The following CPM variants were observed in gnomAD, a reference collection of about 807,000 sequenced individuals.
CPM encodes renal carboxypeptidase.
CPM carries 35 observed loss-of-function variants against 46.4 expected under a neutral mutation model. That is an observed-to-expected ratio of 0.75 (90% CI 0.58 to 1.00). The LOEUF is 1.00. CPM is among the 50% of genes least tolerant of loss of function. The probability of loss-of-function intolerance (pLI) is 0.00; values close to 1 mark genes in which losing one functional copy is unlikely to be tolerated. For synonymous variants in CPM, 195 were observed against 195.3 expected, an observed-to-expected ratio of 1.00 and a Z score of 0.01; for missense variants, 422 against 530.4, an observed-to-expected ratio of 0.80 and a Z score of 2.01.
intron 7 of CPM, among the ~76,000 whole-genome samples, chr12:68,866,374 C>T (rs1252603230): frequency 1.3e-5 from 2 of 152,162 alleles, no homozygotes; most frequent in African/African-American, 4.8e-5. Context: ...TACTCTGTCA[C>T]CCAGTCTGGA....
At chr12:68,946,997 A>G (rs4913476) in intron 1 of CPM, among the ~76,000 whole-genome samples, 25,026 of 152,230 alleles carry the variant, frequency 0.16, 2,142 homozygotes, top group Middle Eastern at 0.2. Context: ...TGCTCAGTCC[A>G]TGCAAATAAC....
intron 1 of CPM, chr12:68,957,569 CTT>C (rs1889042451): frequency 6.2e-6 from 1 of 162,162 alleles, no homozygotes; most frequent in Non-Finnish European, 1.4e-5. Flanking sequence ...AGAAGACTGA[CTT>C]TTCCTTCCAA....
At chr12:68,931,831 G>A (rs976870183) in intron 2 of CPM, among the ~76,000 whole-genome samples, 3 of 151,584 alleles carry the variant, frequency 2.0e-5, no homozygotes, top group Non-Finnish European at 4.4e-5. Flanking sequence ...TGCCTTGGCC[G>A]GATGGGTGCC....
At chr12:68,949,662 A>G (rs1888904655) in intron 1 of CPM, among the ~76,000 whole-genome samples, 1 of 152,192 alleles carries the variant, frequency 6.6e-6, no homozygotes, top group Admixed American at 6.5e-5. Flanking sequence ...TGCTATTATC[A>G]ATGGAGGTTG....
chr12:68,900,824 G>T (rs924727360), intron 2 of CPM, among the ~76,000 whole-genome samples: 1 of 152,162 alleles, frequency 6.6e-6, no homozygotes, highest in Non-Finnish European at 1.5e-5. Flanking sequence ...TGAAACAGGC[G>T]AAATTATGGA....
At chr12:68,889,994 C>A (rs1388097505) in intron 2 of CPM, among the ~76,000 whole-genome samples, 3 of 152,174 alleles carry the variant, frequency 2.0e-5, no homozygotes, top group African/African-American at 7.2e-5. Context: ...CCTGTCCTCA[C>A]TTGGGGCTGA....
At chr12:68,912,146 T>C (rs576859774) in intron 2 of CPM, among the ~76,000 whole-genome samples, 1 of 152,152 alleles carries the variant, frequency 6.6e-6, no homozygotes, top group African/African-American at 2.4e-5. Context: ...TAGCTGGGAT[T>C]ACAGGCATGC....
At position 68,882,024 on chromosome 12, in the gene CPM, C is replaced by CTGTT. The variant is rs61409146; in HGVS notation, c.258+3767_258+3768insAACA. 1.7e-3 allele frequency among the ~76,000 whole-genome samples: 216 copies of CTGTT among 124,756 alleles called. 7 individuals are homozygous for CTGTT. Among genetic ancestry groups the CTGTT allele is most frequent in the Middle Eastern group, 8.8e-3 (2 of 228 alleles). The allele number at this position is 124,756 out of a possible 152,430, so 81.8% of individuals were successfully genotyped here. A position where few individuals can be genotyped will look rare whatever the true frequency, so the allele number is the denominator to read the frequency against. ...GGCGTGAGCCACCACGCCCGGCCTG[C>CTGTT]TTTTTTTTTTTTTTTTTTTTTTAAC... is the stretch of plus-strand genomic sequence containing the variant. On this transcript the variant is annotated intron_variant, in intron 3 of 8. Coordinates refer to ENST00000551568, the MANE Select transcript of CPM (RefSeq NM_198320.5).
chr12:68,895,325 C>T (rs969131299), intron 2 of CPM, among the ~76,000 whole-genome samples: 8 of 152,088 alleles, frequency 5.3e-5, no homozygotes, highest in African/African-American at 1.9e-4. Flanking sequence ...GCATGATTTG[C>T]CATCTCCTTT....
At chr12:68,955,679 G>T (rs189040560) in intron 1 of CPM, among the ~76,000 whole-genome samples, 23 of 152,294 alleles carry the variant, frequency 1.5e-4, no homozygotes, top group African/African-American at 5.5e-4. Context: ...GAGGCCCAAA[G>T]TGGGTAGCTC....
chr12:68,890,152 C>T (rs1163490897), intron 2 of CPM, among the ~76,000 whole-genome samples: 1 of 152,008 alleles, frequency 6.6e-6, no homozygotes, highest in Non-Finnish European at 1.5e-5. Flanking sequence ...TGCAAGGATC[C>T]CTTGATCCCA....
intron 3 of CPM, among the ~76,000 whole-genome samples, chr12:68,884,465 T>G (rs1045586501): frequency 6.6e-6 from 1 of 152,048 alleles, no homozygotes; most frequent in African/African-American, 2.4e-5. Flanking sequence ...GAGTGTACCA[T>G]GAAGGGTAGA....
At chr12:68,880,322 G>A (rs1008600564) in intron 3 of CPM, among the ~76,000 whole-genome samples, 22 of 152,040 alleles carry the variant, frequency 1.4e-4, no homozygotes, top group African/African-American at 5.3e-4. Context: ...AATAAACATC[G>A]GTGACAAAGG....
chr12:68,873,030 T>C (rs571217581), intron 3 of CPM, among the ~76,000 whole-genome samples: 1 of 152,354 alleles, frequency 6.6e-6, no homozygotes, highest in South Asian at 2.1e-4. Context: ...AGCCTTATCA[T>C]AGGAAGATCT....
At chr12:68,880,736 T>A (rs1283410736) in intron 3 of CPM, among the ~76,000 whole-genome samples, 3 of 152,178 alleles carry the variant, frequency 2.0e-5, no homozygotes, top group Non-Finnish European at 2.9e-5. Context: ...AAACATGCCT[T>A]CTGCAGAGGT....
At chr12:68,849,142 T>G (rs7962698), downstream of CPM, 10,629 of 150,480 alleles carry the variant, frequency 0.071, 1,318 homozygotes, top group African/African-American at 0.25. Flanking sequence ...CAGACTAGAC[T>G]GAAGTGGCGC....
intron 2 of CPM, among the ~76,000 whole-genome samples, chr12:68,920,530 C>T (rs969982156): frequency 5.3e-5 from 8 of 152,098 alleles, no homozygotes; most frequent in African/African-American, 1.9e-4. Flanking sequence ...TGTGTATTTC[C>T]AAAACTGTGC....
Position 68,862,425 on chromosome 12 carries a change from G to C in CPM, c.941-3354C>G, listed in dbSNP as rs1427439440. On this transcript the variant is annotated intron_variant, in intron 7 of 8. Transcript: ENST00000551568. ...AATTTTTGTATTTTTAGTAGAGATG[G>C]GTTTCACCACGTTGGCCAGGCTGGT... Among the ~76,000 whole-genome samples the C allele has an allele frequency of 3.6e-5, 5 of 138,634 alleles. 2 individuals are homozygous for C. Among genetic ancestry groups the C allele is most frequent in the African/African-American group, 1.4e-4 (5 of 35,326 alleles). 90.9% of individuals were successfully genotyped at this position (138,634 alleles called of 152,430 possible).
At chr12:68,932,920 C>T in intron 1 of CPM, 80 bp from the exon 2 acceptor site, 1 of 1,354,586 alleles carries the variant, frequency 7.4e-7, no homozygotes, top group South Asian at 1.3e-5. Flanking sequence ...CTCGGTACTC[C>T]GGTCTCAGGG....
Sources: allele counts gnomAD v4.1 joint callset (sites outside exome capture counted in the v4.1 genomes callset), GRCh38; gene constraint gnomAD v4.1.1; transcripts MANE v1.5; gene names NCBI Gene and HGNC (gene_info 2026-07-23, HGNC 2026-07-21).